Variants in ZDHHC20 observed in about 807,000 individuals in gnomAD.
The protein encoded by ZDHHC20 is palmitoyltransferase ZDHHC20.
Under a neutral mutation model 57.8 loss-of-function variants are expected in ZDHHC20, and 43 were observed. The observed-to-expected ratio is 0.74, with a 90% confidence interval of 0.58 to 0.96. The LOEUF (loss-of-function observed/expected upper bound fraction) is 0.96, where lower values mean the gene tolerates loss of function less well. Ranked by LOEUF, ZDHHC20 falls within the 40% of genes least tolerant of loss-of-function variation. The pLI is 0.00. For missense variants in ZDHHC20, 391 were observed against 441.1 expected, an observed-to-expected ratio of 0.89 and a Z score of 1.02; for synonymous variants, 157 against 153.0, an observed-to-expected ratio of 1.03 and a Z score of -0.19.
intron 4 of ZDHHC20, among the ~76,000 whole-genome samples, chr13:21,411,597 A>G (rs1334819233): frequency 2.6e-5 from 4 of 152,164 alleles, no homozygotes; most frequent in African/African-American, 7.2e-5. Context: ...CTGACATTGC[A>G]AAGGCTGTGA....
At chr13:21,385,742 C>G (rs971641044) in intron 9 of ZDHHC20, among the ~76,000 whole-genome samples, 2 of 152,094 alleles carry the variant, frequency 1.3e-5, no homozygotes, top group African/African-American at 4.8e-5. Context: ...CTGATGAAAA[C>G]TAAGAACTTA....
intron 1 of ZDHHC20, 53 bp downstream of exon 1, chr13:21,459,001 C>A: frequency 6.9e-7 from 1 of 1,449,456 alleles, no homozygotes; most frequent in Admixed American, 1.9e-5. Context: ...AGGCCTATCT[C>A]GCGCCCTAGC....
intron 7 of ZDHHC20, among the ~76,000 whole-genome samples, chr13:21,393,993 G>T (rs1265439294): frequency 6.6e-6 from 1 of 152,208 alleles, no homozygotes; most frequent in Non-Finnish European, 1.5e-5. Flanking sequence ...CCTTATTCCA[G>T]CCGGGATGCT....
intron 1 of ZDHHC20, among the ~76,000 whole-genome samples, chr13:21,433,478 G>A (rs562474749): frequency 5.9e-5 from 9 of 152,152 alleles, no homozygotes; most frequent in East Asian, 1.9e-4. Flanking sequence ...TTAGCCGGGC[G>A]TGGTGGCGGG....
At chr13:21,403,900 C>G (rs1192127643) in intron 4 of ZDHHC20, among the ~76,000 whole-genome samples, 1 of 152,060 alleles carries the variant, frequency 6.6e-6, no homozygotes, top group East Asian at 1.9e-4. Context: ...ATTGGTCAGG[C>G]TGGTCTCGAA....
intron 7 of ZDHHC20, among the ~76,000 whole-genome samples, chr13:21,393,999 A>AT (rs1224184634): frequency 4.6e-5 from 7 of 152,224 alleles, no homozygotes; most frequent in African/African-American, 1.7e-4. Flanking sequence ...TCCAGCCGGG[A>AT]TGCTGCAACA....
chr13:21,449,740 G>A (rs1245474847), intron 1 of ZDHHC20, among the ~76,000 whole-genome samples: 1 of 151,870 alleles, frequency 6.6e-6, no homozygotes, highest in Non-Finnish European at 1.5e-5. Context: ...TGCCTCCAGG[G>A]TTCAAGCGAT....
intron 4 of ZDHHC20, among the ~76,000 whole-genome samples, chr13:21,404,105 G>A (rs574492229): frequency 6.6e-6 from 1 of 152,148 alleles, no homozygotes; most frequent in South Asian, 2.1e-4. Context: ...TAAAACACTA[G>A]GAATAACTTG....
At chr13:21,421,415 T>C (rs1021795456) in intron 2 of ZDHHC20, among the ~76,000 whole-genome samples, 2 of 152,330 alleles carry the variant, frequency 1.3e-5, no homozygotes, top group Admixed American at 1.3e-4. Flanking sequence ...GATTTGATTG[T>C]ATTAAATTGC....
intron 1 of ZDHHC20, among the ~76,000 whole-genome samples, chr13:21,430,670 T>C (rs1241525890): frequency 6.6e-6 from 1 of 152,190 alleles, no homozygotes; most frequent in African/African-American, 2.4e-5. Flanking sequence ...AGGTTGTCCC[T>C]TTCCTGGCTT....
chr13:21,382,310 C>T (rs1038608657), intron 10 of ZDHHC20, among the ~76,000 whole-genome samples: 1 of 152,142 alleles, frequency 6.6e-6, no homozygotes, highest in Non-Finnish European at 1.5e-5. Flanking sequence ...ATCATTTTCT[C>T]TTCTCCTACA....
At chr13:21,401,566 C>T in intron 6 of ZDHHC20, 87 bp downstream of exon 6, 1 of 1,196,886 alleles carries the variant, frequency 8.4e-7, no homozygotes, top group East Asian at 2.6e-5. Flanking sequence ...TATGAGTAAA[C>T]TGGCCTTCAA....
At chr13:21,409,142 T>A (rs561020471) in intron 4 of ZDHHC20, among the ~76,000 whole-genome samples, 2 of 152,044 alleles carry the variant, frequency 1.3e-5, no homozygotes, top group South Asian at 4.2e-4. Context: ...TAGGGAGGAG[T>A]CCCCCTTTTT....
intron 1 of ZDHHC20, among the ~76,000 whole-genome samples, chr13:21,456,270 CATG>C (rs1884920248): frequency 6.6e-6 from 1 of 152,004 alleles, no homozygotes; most frequent in Non-Finnish European, 1.5e-5. Context: ...ATTAGCTGGG[CATG>C]GTGGCGGGCA....
chr13:21,421,171 A>G lies in ZDHHC20; in HGVS notation c.146-7T>C. On this transcript the variant is annotated splice_region_variant and splice_polypyrimidine_tract_variant and intron_variant, in intron 2 of 12. Coordinates refer to ENST00000400590, the MANE Select transcript of ZDHHC20 (RefSeq NM_001330059.2). ...AGGTAAACAACGGTCTTTCCTGGTA[A>G]ATAAAAACAAATAACAGTTCATTGA... The G allele has an allele frequency of 6.2e-7, 1 of 1,607,180 alleles. No homozygotes were observed. Among genetic ancestry groups the G allele is most frequent in the Non-Finnish European group, 8.5e-7 (1 of 1,174,782 alleles).
Position 21,375,344 on chromosome 13 carries a change from G to T in ZDHHC20, c.*1352C>A, listed in dbSNP as rs1173736873. 4 of 366,532 alleles carry T rather than the reference G, an allele frequency of 1.1e-5. No individual in the cohort carries two copies. Among genetic ancestry groups the T allele is most frequent in the Admixed American group, 7.1e-5 (2 of 28,260 alleles). The allele number at this position is 366,532 out of a possible 1,614,324, so 22.7% of individuals were successfully genotyped here. ...CACTGGAAGCAATCAATTATTTTGG[G>T]GGGGGTGTGTGTGTGTGTGTGTCTG... is the stretch of plus-strand genomic sequence containing the variant. On this transcript the variant is annotated 3_prime_UTR_variant, in exon 13 of 13. Coordinates refer to ENST00000400590, the MANE Select transcript of ZDHHC20 (RefSeq NM_001330059.2).
At chr13:21,413,065 G>C (rs1315093693) in intron 4 of ZDHHC20, among the ~76,000 whole-genome samples, 1 of 149,952 alleles carries the variant, frequency 6.7e-6, no homozygotes, top group Admixed American at 6.7e-5. Flanking sequence ...TAAACGACCA[G>C]CCACTTATAG....
In ZDHHC20 at chr13:21,406,391, G is replaced by T. The variant is rs75738979; in HGVS notation, c.371-3525C>A. Among the ~76,000 whole-genome samples, 53 of 152,206 alleles carry T rather than the reference G, an allele frequency of 3.5e-4. No individual in the cohort carries two copies. In the East Asian group the frequency reaches 9.3e-3, roughly 27 times the overall value. Reference sequence around the variant, plus strand: ...GTTTCTGTTATTTGTGCTTTTCTATGTTTTTATTATTATACTTTGTTATAA... The same window carrying T: ...GTTTCTGTTATTTGTGCTTTTCTATTTTTTTATTATTATACTTTGTTATAA... On this transcript the variant is annotated intron_variant, in intron 4 of 12. Transcript: ENST00000400590.
chr13:21,433,650 A>G (rs2137968454), intron 1 of ZDHHC20, among the ~76,000 whole-genome samples: 1 of 152,240 alleles, frequency 6.6e-6, no homozygotes. Flanking sequence ...ACAAACAAAA[A>G]TCTGCCTGGT....
Sources: allele counts gnomAD v4.1 joint callset (sites outside exome capture counted in the v4.1 genomes callset), GRCh38; gene constraint gnomAD v4.1.1; transcripts MANE v1.5; gene names NCBI Gene and HGNC (gene_info 2026-07-23, HGNC 2026-07-21).